Variants in TMC5 observed in about 807,000 individuals in gnomAD.
TMC5 encodes transmembrane channel-like protein 5.
A neutral mutation model predicts 110.5 loss-of-function variants in TMC5; 86 were observed. The observed-to-expected ratio is 0.78, with a 90% CI of 0.65 to 0.93. The LOEUF (loss-of-function observed/expected upper bound fraction) is 0.93, where lower values mean the gene tolerates loss of function less well. TMC5 is among the 40% of genes least tolerant of loss of function. The pLI is 0.00. For missense variants in TMC5, 1,144 were observed against 1,222.8 expected, an observed-to-expected ratio of 0.94 and a Z score of 0.96; for synonymous variants, 455 against 439.5, an observed-to-expected ratio of 1.04 and a Z score of -0.44.
At chr16:19,440,924 ATATGACGGTTTCTAT>A (rs1318799417) in intron 3 of TMC5, 98 bp downstream of exon 3, 1 of 1,249,270 alleles carries the variant, frequency 8.0e-7, no homozygotes, top group African/African-American at 1.5e-5. Context: ...TTAGGGATAT[ATATGACGGTTTCTAT>A]GACCTGAAGT....
chr16:19,422,993 A>C (rs1967017809), intron 1 of TMC5, among the ~76,000 whole-genome samples: 1 of 152,024 alleles, frequency 6.6e-6, no homozygotes, highest in South Asian at 2.1e-4. Flanking sequence ...TCGTGGTGGC[A>C]TGTGCCTGTG....
chr16:19,472,741 G>A (rs1968375508), intron 11 of TMC5, among the ~76,000 whole-genome samples: 1 of 152,144 alleles, frequency 6.6e-6, no homozygotes, highest in African/African-American at 2.4e-5. Context: ...AGAAGCTAAG[G>A]ATCTGGCCCC....
chr16:19,439,982 G>T lies in TMC5; in HGVS notation c.-57G>T. On this transcript the variant is annotated 5_prime_UTR_variant, in exon 3 of 22. Transcript: ENST00000542583. Reference sequence around the variant, plus strand: ...CAGGTGAAAAAAAAAAAAGATCCCTGAGTAATTGCAAATGCTGGGACAGTT... The same window carrying T: ...CAGGTGAAAAAAAAAAAAGATCCCTTAGTAATTGCAAATGCTGGGACAGTT... 3 of 1,362,420 alleles carry T rather than the reference G, an allele frequency of 2.2e-6. No homozygotes were observed. The highest frequency in any genetic ancestry group is 2.0e-6 in the Non-Finnish European group (2 of 995,280). The allele number at this position is 1,362,420 out of a possible 1,614,324, so 84.4% of individuals were successfully genotyped here.
intron 5 of TMC5, among the ~76,000 whole-genome samples, chr16:19,451,593 T>C (rs1422934922): frequency 6.6e-6 from 1 of 152,086 alleles, no homozygotes; most frequent in Non-Finnish European, 1.5e-5. Flanking sequence ...ACAGAAGGCT[T>C]CTGTGAACAA....
intron 15 of TMC5, among the ~76,000 whole-genome samples, chr16:19,483,139 G>T (rs762158770): frequency 1.3e-5 from 2 of 152,016 alleles, no homozygotes; most frequent in African/African-American, 4.8e-5. Context: ...GGGATTATAG[G>T]TGTGAGTCAC....
chr16:19,457,144 C>T (rs939265913), intron 5 of TMC5: 1 of 747,972 alleles, frequency 1.3e-6, no homozygotes, highest in South Asian at 2.0e-5. Flanking sequence ...AATCCTACGG[C>T]TTTGGGAGGC....
chr16:19,472,464 G>C (rs1294736093), intron 11 of TMC5, among the ~76,000 whole-genome samples: 2 of 152,012 alleles, frequency 1.3e-5, no homozygotes, highest in African/African-American at 4.8e-5. Context: ...TGAAACCCAG[G>C]AGTTCGAGAC....
intron 4 of TMC5, among the ~76,000 whole-genome samples, chr16:19,447,919 C>T (rs1160047799): frequency 2.0e-5 from 3 of 151,864 alleles, no homozygotes; most frequent in Non-Finnish European, 2.9e-5. Flanking sequence ...ACCCAGGGGG[C>T]GCACAACTAG....
chr16:19,422,771 C>T (rs1326679447), intron 1 of TMC5, among the ~76,000 whole-genome samples: 1 of 152,078 alleles, frequency 6.6e-6, no homozygotes, highest in Non-Finnish European at 1.5e-5. Context: ...CATGGTGAAA[C>T]CCCATCTCTA....
chr16:19,481,523 G>A (rs905876094), intron 15 of TMC5, 58 bp downstream of exon 15: 2 of 1,271,984 alleles, frequency 1.6e-6, no homozygotes, highest in Admixed American at 1.7e-5. Context: ...TGGAGCTGGT[G>A]TTTTGGTGGC....
rs186279362 is a variant in TMC5 at position 19,442,808 on chromosome 16, G to A, written c.789-1273G>A. On this transcript the variant is annotated intron_variant, in intron 3 of 21. Transcript: ENST00000542583. The stretch of plus-strand genomic sequence containing the variant: ...AGGAACAAGGATATAGGACTTGGGC[G>A]TGCAGCAGTCCTGATGTCTTTAGAA... Among the ~76,000 whole-genome samples, 154 of 152,278 alleles carry A rather than the reference G, an allele frequency of 1.0e-3. 1 individual carries two copies. Among genetic ancestry groups the A allele is most frequent in the African/African-American group, 3.5e-3 (144 of 41,552 alleles).
chr16:19,460,656 A>G (rs957353951), intron 6 of TMC5, among the ~76,000 whole-genome samples: 1 of 152,156 alleles, frequency 6.6e-6, no homozygotes, highest in African/African-American at 2.4e-5. Flanking sequence ...AACATCCCCA[A>G]AGATAAGTCA....
chr16:19,426,735 A>G (rs1967094751), intron 1 of TMC5, among the ~76,000 whole-genome samples: 1 of 152,166 alleles, frequency 6.6e-6, no homozygotes, highest in Non-Finnish European at 1.5e-5. Context: ...ATCATCTTAA[A>G]ACATTTTTTA....
At chr16:19,488,948 T>C (rs1305104064) in intron 17 of TMC5, among the ~76,000 whole-genome samples, 1 of 152,078 alleles carries the variant, frequency 6.6e-6, no homozygotes, top group Admixed American at 6.6e-5. Flanking sequence ...ACAAGGGAGA[T>C]GATTTTTAGG....
chr16:19,460,735 GA>G (rs1968000933), intron 6 of TMC5, among the ~76,000 whole-genome samples: 1 of 152,150 alleles, frequency 6.6e-6, no homozygotes, highest in African/African-American at 2.4e-5. Context: ...TCTAAACAGC[GA>G]AAAACATTAG....
intron 17 of TMC5, among the ~76,000 whole-genome samples, chr16:19,489,210 C>A (rs939686948): frequency 6.6e-6 from 1 of 152,226 alleles, no homozygotes; most frequent in Non-Finnish European, 1.5e-5. Context: ...CTTGCTCTGC[C>A]ACCCAGGCAG....
intron 3 of TMC5, among the ~76,000 whole-genome samples, chr16:19,442,447 G>A (rs2143476064): frequency 6.6e-6 from 1 of 151,174 alleles, no homozygotes; most frequent in South Asian, 2.1e-4. Flanking sequence ...TCCTGCCTCA[G>A]CCTCCCAAGT....
At chr16:19,472,939 C>T (rs1968380800) in intron 11 of TMC5, among the ~76,000 whole-genome samples, 1 of 152,142 alleles carries the variant, frequency 6.6e-6, no homozygotes, top group African/African-American at 2.4e-5. Context: ...TCCCTGACTC[C>T]AAGGCCCATG....
intron 5 of TMC5, among the ~76,000 whole-genome samples, chr16:19,457,963 A>C (rs1967928927): frequency 6.6e-6 from 1 of 151,702 alleles, no homozygotes; most frequent in Non-Finnish European, 1.5e-5. Flanking sequence ...GCCTCAGGTG[A>C]TCTGCCCACC....
Sources: gnomAD v4.1 joint callset for allele counts (sites outside exome capture counted in the v4.1 genomes callset) on GRCh38, gnomAD v4.1.1 for gene constraint, MANE v1.5 for transcripts, NCBI Gene and HGNC (gene_info 2026-07-23, HGNC 2026-07-21) for gene names.